Variants in DPM1 observed in about 807,000 individuals in gnomAD.
DPM1 encodes the protein dolichol-phosphate mannosyltransferase subunit 1.
In DPM1, 27 loss-of-function variants were observed where a neutral mutation model predicts 39.0. That is an observed-to-expected ratio of 0.69 (90% CI 0.51 to 0.95). The LOEUF is 0.95. Ranked by LOEUF, DPM1 falls within the 40% of genes least tolerant of loss-of-function variation. DPM1 has a pLI of 0.00. For missense variants in DPM1, 307 were observed against 315.6 expected (o/e 0.97, Z 0.21); for synonymous variants, 124 against 109.0 (o/e 1.14, Z -0.86).
rs749419305 is a variant in DPM1, at chr20:50,958,348, G to A, written c.161+15C>T. 1.2e-6 allele frequency: 2 copies of A among 1,612,358 alleles called. No homozygotes were observed. Among genetic ancestry groups the A allele is most frequent in the Non-Finnish European group, 1.7e-6 (2 of 1,179,996 alleles). On this transcript the variant is annotated intron_variant, in intron 1 of 8. Coordinates refer to ENST00000371588, the MANE Select transcript of DPM1 (RefSeq NM_003859.3). ...GCTCATCTCATTCTTCGGGGAGGGAGACCTGGTGCGCTACCTCTCGGAGAA... is the reference window on the plus strand; with the variant it reads ...GCTCATCTCATTCTTCGGGGAGGGAAACCTGGTGCGCTACCTCTCGGAGAA...
intron 2 of DPM1, among the ~76,000 whole-genome samples, chr20:50,950,497 C>T (rs553369847): frequency 6.6e-6 from 1 of 152,084 alleles, no homozygotes; most frequent in African/African-American, 2.4e-5. Context: ...TGGTATCTGC[C>T]CTGAAAAAGC....
chr20:50,958,290 A>T, intron 1 of DPM1, 73 bp downstream of exon 1: 1 of 1,584,072 alleles, frequency 6.3e-7, no homozygotes, highest in Non-Finnish European at 8.6e-7. Flanking sequence ...CGCTTCGCGC[A>T]GCCAGCTGCC....
intron 7 of DPM1, among the ~76,000 whole-genome samples, chr20:50,937,253 A>T (rs1414726852): frequency 1.3e-5 from 2 of 152,094 alleles, no homozygotes; most frequent in African/African-American, 4.8e-5. Context: ...AGGCGACCTT[A>T]TCTTTTGACT....
chr20:50,940,943 AAAAC>A lies in DPM1; in HGVS notation c.495-14_495-11del, dbSNP rs753056939. The A allele has an allele frequency of 1.2e-6, 2 of 1,613,510 alleles. No individual in the cohort carries two copies. Among genetic ancestry groups the A allele is most frequent in the South Asian group, 2.2e-5 (2 of 91,024 alleles). On this transcript the variant is annotated splice_polypyrimidine_tract_variant and intron_variant, in intron 6 of 8. Coordinates refer to ENST00000371588, the MANE Select transcript of DPM1 (RefSeq NM_003859.3). ...AAAATTGGCCCCACGGCTGCCAAAT[AAAAC>A]AATCAGATCTTCTTTACAAAATACA...
chr20:50,941,155 T>C, intron 6 of DPM1: 1 of 575,924 alleles, frequency 1.7e-6, no homozygotes, highest in Non-Finnish European at 3.0e-6. Context: ...CCAAGATGGC[T>C]GGATCACTTG....
At chr20:50,937,669 T>C (rs1339276769) in intron 7 of DPM1, among the ~76,000 whole-genome samples, 2 of 152,094 alleles carry the variant, frequency 1.3e-5, no homozygotes, top group Non-Finnish European at 2.9e-5. Context: ...GGCACAACCA[T>C]GGCTCACTGC....
rs111655675 is a variant in DPM1, at chr20:50,938,451, C to T, written c.564-2189G>A. Among the ~76,000 whole-genome samples, 872 of 150,888 alleles carry T rather than the reference C, an allele frequency of 5.8e-3. 7 individuals are homozygous for T. Among genetic ancestry groups the T allele is most frequent in the Non-Finnish European group, 8.7e-3 (590 of 67,748 alleles). On this transcript the variant is annotated intron_variant, in intron 7 of 8. Transcript: ENST00000371588. Reference sequence around the variant, plus strand: ...CCCAGGCTAGAGTGCAGTGCAATCTCGGCTCACTGCAAGCTCTGCCTCCCA... The same window carrying T: ...CCCAGGCTAGAGTGCAGTGCAATCTTGGCTCACTGCAAGCTCTGCCTCCCA...
intron 7 of DPM1, among the ~76,000 whole-genome samples, chr20:50,937,121 G>C (rs776430956): frequency 1.2e-4 from 18 of 151,718 alleles, no homozygotes; most frequent in Non-Finnish European, 2.4e-4. Context: ...TGTGGGGAGA[G>C]GGGAGAAAGC....
chr20:50,945,854 G>A lies in DPM1; in HGVS notation c.365C>T (p.Ser122Leu), dbSNP rs1451494197. ...NYIIIMDADL[S>L]HHPKFIPEFI... The stretch of plus-strand genomic sequence containing the variant: ...AAGAAACATACCACTTACATGGTGT[G>A]AGAGATCAGCATCCATAATAATGAT... The change falls in exon 4 of 9, where the codon TCA becomes TTA. Residue 122 changes from serine (S) to leucine (L), a missense_variant. By Grantham distance (145) the Ser-to-Leu change is moderately radical. Transcript: ENST00000371588. The A allele has an allele frequency of 1.9e-6, 3 of 1,613,222 alleles. No individual in the cohort carries two copies. The highest frequency in any genetic ancestry group is 2.2e-5 in the South Asian group (2 of 91,068).
chr20:50,943,487 G>A (rs542757864), intron 5 of DPM1, among the ~76,000 whole-genome samples: 10 of 151,368 alleles, frequency 6.6e-5, no homozygotes, highest in South Asian at 6.3e-4. Context: ...AGCCTCCCAA[G>A]TAGCTAGGAC....
At chr20:50,958,301 G>A (rs1379204814) in intron 1 of DPM1, 62 bp downstream of exon 1, 7 of 1,595,962 alleles carry the variant, frequency 4.4e-6, no homozygotes, top group Admixed American at 3.4e-5. Context: ...GCCAGCTGCC[G>A]ACACCCGGGC....
intron 3 of DPM1, among the ~76,000 whole-genome samples, chr20:50,946,857 A>C (rs1986317310): frequency 6.6e-6 from 1 of 152,166 alleles, no homozygotes; most frequent in Non-Finnish European, 1.5e-5. Context: ...GGATCACTGG[A>C]GGTCAGGGAG....
chr20:50,938,854 C>T (rs1985453651), intron 7 of DPM1, among the ~76,000 whole-genome samples: 1 of 151,734 alleles, frequency 6.6e-6, no homozygotes, highest in African/African-American at 2.4e-5. Flanking sequence ...TGGCGCACGC[C>T]TGTAATCCCA....
chr20:50,958,320 C>T, intron 1 of DPM1, 43 bp downstream of exon 1: 2 of 1,606,840 alleles, frequency 1.2e-6, no homozygotes, highest in Non-Finnish European at 1.7e-6. Flanking sequence ...GCCGGGGAAG[C>T]CAGCTCATCT....
intron 3 of DPM1, among the ~76,000 whole-genome samples, chr20:50,947,591 T>A (rs1416839375): frequency 6.6e-6 from 1 of 152,268 alleles, no homozygotes; most frequent in Non-Finnish European, 1.5e-5. Flanking sequence ...TGAGCTCATA[T>A]GAGCTTTTCA....
chr20:50,955,597 G>A (rs1986784188), intron 1 of DPM1, among the ~76,000 whole-genome samples: 1 of 152,168 alleles, frequency 6.6e-6, no homozygotes, highest in South Asian at 2.1e-4. Flanking sequence ...TTGAGATGGA[G>A]TCTTGCTCTG....
rs751596542 is a variant in DPM1 at position 50,942,089 on chromosome 20, T to A, written c.436A>T (p.Thr146Ser). Residue 146 changes from threonine (T) to serine (S), a missense_variant, in exon 6 of 9, where the codon ACT (threonine) becomes TCT (serine). Coordinates refer to ENST00000371588, the MANE Select transcript of DPM1 (RefSeq NM_003859.3). ...KEGNFDIVSG[T>S]RYKGNGGVYG... ...ACACCTCCATTTCCTTTGTAGCGAG[T>A]TCCAGAGACAATATCAAAATTACCC... The A allele has an allele frequency of 4.3e-6, 7 of 1,614,012 alleles. No individual in the cohort carries two copies. The highest frequency in any genetic ancestry group is 2.7e-5 in the African/African-American group (2 of 74,932).
chr20:50,958,312 C>G, intron 1 of DPM1, 51 bp downstream of exon 1: 1 of 1,603,184 alleles, frequency 6.2e-7, no homozygotes, highest in Non-Finnish European at 8.5e-7. Context: ...ACACCCGGGC[C>G]GGGGAAGCCA....
At chr20:50,955,157 T>TA (rs1287291905) in intron 2 of DPM1, 29 bp downstream of exon 2, 1 of 1,484,478 alleles carries the variant, frequency 6.7e-7, no homozygotes, top group South Asian at 1.1e-5. Flanking sequence ...TCACAATTCA[T>TA]ATCACAGAAA....
Sources: allele counts gnomAD v4.1 joint callset (sites outside exome capture counted in the v4.1 genomes callset), GRCh38; gene constraint gnomAD v4.1.1; transcripts MANE v1.5; gene names NCBI Gene and HGNC (gene_info 2026-07-23, HGNC 2026-07-21).